Variants in TENM4 observed in about 807,000 individuals in gnomAD.
TENM4 encodes the protein teneurin transmembrane protein 4, also known as teneurin-4.
TENM4 carries 82 observed loss-of-function variants against 243.3 expected under a neutral mutation model. The observed-to-expected ratio is 0.34, with a 90% CI of 0.28 to 0.40. The LOEUF (loss-of-function observed/expected upper bound fraction) is 0.40. Among genes scored for constraint, TENM4 ranks in the 10% least tolerant of loss-of-function variants. The pLI is 1.00. For synonymous variants in TENM4, 1,412 were observed against 1,456.3 expected (o/e 0.97, Z 0.69); for missense variants, 3,138 against 3,673.3 (o/e 0.85, Z 3.77).
In TENM4 at chr11:78,780,686, G is replaced by A. The variant is rs531492361; in HGVS notation, c.2366-2058C>T. On this transcript the variant is annotated intron_variant, in intron 16 of 33. Transcript: ENST00000278550. ...TACAGGATAATCTCCCCAGGGCCAG[G>A]GGCTGACTTAAGAGAGCTCTCTCTC... Among the ~76,000 whole-genome samples the A allele has an allele frequency of 3.3e-5, 5 of 152,278 alleles. No homozygotes were observed. The South Asian group carries it at 6.2e-4, about 19-fold the overall frequency.
intron 3 of TENM4, among the ~76,000 whole-genome samples, chr11:79,183,758 C>G (rs139785003): frequency 6.6e-6 from 1 of 151,958 alleles, no homozygotes; most frequent in Non-Finnish European, 1.5e-5. Context: ...AATGAATGAA[C>G]GAATGACTCA....
At chr11:78,965,380 T>C (rs1402979896) in intron 6 of TENM4, among the ~76,000 whole-genome samples, 1 of 151,998 alleles carries the variant, frequency 6.6e-6, no homozygotes, top group Non-Finnish European at 1.5e-5. Flanking sequence ...CCAGGCCACA[T>C]GTATTAAGCC....
chr11:78,672,437 G>A, intron 30 of TENM4, 108 bp from the exon 31 acceptor site: 1 of 1,191,906 alleles, frequency 8.4e-7, no homozygotes, highest in Non-Finnish European at 1.2e-6. Context: ...GAGTAGAGGA[G>A]GGAGCACAGT....
chr11:78,685,523 T>C (rs1042665604), intron 29 of TENM4, among the ~76,000 whole-genome samples: 4 of 152,250 alleles, frequency 2.6e-5, no homozygotes, highest in Non-Finnish European at 5.9e-5. Context: ...AATTGGAATG[T>C]GTCCACGTAT....
intron 6 of TENM4, among the ~76,000 whole-genome samples, chr11:78,928,874 C>T (rs1019144939): frequency 6.6e-6 from 1 of 152,132 alleles, no homozygotes; most frequent in African/African-American, 2.4e-5. Flanking sequence ...GAGTTAATGG[C>T]TACATTTATG....
chr11:78,980,000 C>T (rs1305111745), intron 6 of TENM4, among the ~76,000 whole-genome samples: 1 of 152,174 alleles, frequency 6.6e-6, no homozygotes, highest in Non-Finnish European at 1.5e-5. Flanking sequence ...ATATTAAACT[C>T]TCTGAGTTAC....
intron 9 of TENM4, among the ~76,000 whole-genome samples, chr11:78,876,856 A>G (rs1859280121): frequency 6.6e-6 from 1 of 152,200 alleles, no homozygotes; most frequent in African/African-American, 2.4e-5. Flanking sequence ...CCCTGCATCC[A>G]GGGATGGCTC....
chr11:78,977,367 G>C (rs1338807757), intron 6 of TENM4, among the ~76,000 whole-genome samples: 1 of 152,198 alleles, frequency 6.6e-6, no homozygotes, highest in Non-Finnish European at 1.5e-5. Flanking sequence ...AGGGCTGGGT[G>C]GTGGGTCAAT....
intron 6 of TENM4, among the ~76,000 whole-genome samples, chr11:79,008,792 C>G (rs1858563053): frequency 6.6e-6 from 1 of 152,048 alleles, no homozygotes; most frequent in African/African-American, 2.4e-5. Flanking sequence ...AATAATGGGG[C>G]CAAGGGATGG....
intron 4 of TENM4, among the ~76,000 whole-genome samples, chr11:79,110,334 C>G (rs1179742334): frequency 6.6e-6 from 1 of 152,228 alleles, no homozygotes; most frequent in Non-Finnish European, 1.5e-5. Context: ...ACTGCAGCCC[C>G]CTCCCTAGCC....
intron 6 of TENM4, among the ~76,000 whole-genome samples, chr11:78,923,613 C>A (rs1036592808): frequency 6.7e-6 from 1 of 150,054 alleles, no homozygotes; most frequent in African/African-American, 2.4e-5. Context: ...TTTTGGCTCA[C>A]TGCAACTTCT....
intron 10 of TENM4, among the ~76,000 whole-genome samples, chr11:78,862,607 C>T (rs1257195837): frequency 6.6e-6 from 1 of 152,154 alleles, no homozygotes; most frequent in Non-Finnish European, 1.5e-5. Flanking sequence ...ACCCCACTCC[C>T]ACAGATGCCC....
chr11:79,063,677 C>T (rs918433155), intron 6 of TENM4, among the ~76,000 whole-genome samples: 3 of 152,304 alleles, frequency 2.0e-5, no homozygotes, highest in African/African-American at 2.4e-5. Flanking sequence ...CCACGCAGGA[C>T]CACGTTCGAC....
At chr11:78,947,999 C>A (rs568148325) in intron 6 of TENM4, among the ~76,000 whole-genome samples, 13 of 152,144 alleles carry the variant, frequency 8.5e-5, no homozygotes, top group Admixed American at 8.5e-4. Context: ...CAATCTCACC[C>A]GTCCCAAGAA....
chr11:79,032,116 T>C (rs1859257232), intron 6 of TENM4, among the ~76,000 whole-genome samples: 1 of 152,218 alleles, frequency 6.6e-6, no homozygotes, highest in African/African-American at 2.4e-5. Context: ...ATTTATTGAG[T>C]ACTGACACAT....
Position 78,786,962 on chromosome 11 carries a change from A to G in TENM4, c.2301T>C (p.His767=), listed in dbSNP as rs1301992385. 2 of 1,599,468 alleles carry G rather than the reference A, an allele frequency of 1.3e-6. No individual in the cohort carries two copies. Among genetic ancestry groups the G allele is most frequent in the East Asian group, 2.3e-5 (1 of 44,078 alleles). The part of the protein sequence containing the change: ...QRACHPRCAE[H]GTCRDGKCEC... ...CGCACTTGCCGTCGCGGCAGGTCCCATGCTCGGCACAGCGCGGGTGGCAGG... is the reference window on the plus strand; with the variant it reads ...CGCACTTGCCGTCGCGGCAGGTCCCGTGCTCGGCACAGCGCGGGTGGCAGG... The change falls in exon 16 of 34, where the codon CAT becomes CAC. Residue 767 remains histidine, a synonymous_variant. Coordinates refer to ENST00000278550, the MANE Select transcript of TENM4 (RefSeq NM_001098816.3).
At chr11:79,192,091 TG>T (rs1324316428) in intron 3 of TENM4, among the ~76,000 whole-genome samples, 4,768 of 103,458 alleles carry the variant, frequency 0.046, 109 homozygotes, top group Non-Finnish European at 0.055. Context: ...GGGAGGGAGG[TG>T]GGGGGGGGTC....
chr11:79,133,246 C>T (rs957231547), intron 4 of TENM4, among the ~76,000 whole-genome samples: 4 of 152,038 alleles, frequency 2.6e-5, no homozygotes, highest in Non-Finnish European at 5.9e-5. Flanking sequence ...AACTAGAAAA[C>T]CTAGAAGAGA....
intron 29 of TENM4, among the ~76,000 whole-genome samples, chr11:78,686,226 C>T (rs1482447559): frequency 6.6e-6 from 1 of 152,106 alleles, no homozygotes; most frequent in East Asian, 1.9e-4. Flanking sequence ...TGAAGGCTTC[C>T]TAAAAGGCCC....
Sources: gnomAD v4.1 joint callset for allele counts (sites outside exome capture counted in the v4.1 genomes callset) on GRCh38, gnomAD v4.1.1 for gene constraint, MANE v1.5 for transcripts, NCBI Gene and HGNC (gene_info 2026-07-23, HGNC 2026-07-21) for gene names.